The following ROR1 variants were observed in gnomAD, a reference collection of about 807,000 sequenced individuals.
The protein encoded by ROR1 is inactive tyrosine-protein kinase transmembrane receptor ROR1.
ROR1 carries 19 observed loss-of-function variants against 78.8 expected under a neutral mutation model. That is an observed-to-expected ratio of 0.24 (90% CI 0.17 to 0.35). The LOEUF (loss-of-function observed/expected upper bound fraction) is 0.35. Among genes scored for constraint, ROR1 ranks in the 10% least tolerant of loss-of-function variants. The pLI is 1.00. For missense variants in ROR1, 917 were observed against 1,177.8 expected (o/e 0.78, Z 3.24); for synonymous variants, 386 against 433.6 (o/e 0.89, Z 1.36).
chr1:63,872,984 A>G (rs1344324212), intron 1 of ROR1, among the ~76,000 whole-genome samples: 1 of 152,160 alleles, frequency 6.6e-6, no homozygotes, highest in Admixed American at 6.6e-5. Context: ...GGGTATTTAC[A>G]TTCCCAGGAT....
intron 2 of ROR1, among the ~76,000 whole-genome samples, chr1:64,028,132 TA>T (rs1278333173): frequency 1.3e-5 from 2 of 152,152 alleles, no homozygotes; most frequent in Non-Finnish European, 2.9e-5. Context: ...TTAGATTTTT[TA>T]AAAAAATTCT....
chr1:63,873,091 C>G (rs544330019), intron 1 of ROR1, among the ~76,000 whole-genome samples: 2 of 152,126 alleles, frequency 1.3e-5, no homozygotes, highest in South Asian at 2.1e-4. Flanking sequence ...CTCTCCTCCC[C>G]CCAAATCGAG....
intron 1 of ROR1, among the ~76,000 whole-genome samples, chr1:63,775,894 G>C (rs539677998): frequency 5.2e-4 from 79 of 152,284 alleles, no homozygotes; most frequent in African/African-American, 1.8e-3. Flanking sequence ...GCATCAGCAG[G>C]GAGTGCACCT....
intron 4 of ROR1, among the ~76,000 whole-genome samples, chr1:64,077,976 C>G (rs768664791): frequency 6.6e-6 from 1 of 152,154 alleles, no homozygotes; most frequent in Non-Finnish European, 1.5e-5. Context: ...TGTCCCTGCC[C>G]TTAACTCTCT....
At chr1:63,986,106 C>G (rs144993857) in intron 1 of ROR1, among the ~76,000 whole-genome samples, 1 of 152,162 alleles carries the variant, frequency 6.6e-6, no homozygotes, top group African/African-American at 2.4e-5. Context: ...TAGAAATATG[C>G]AGATAAACTT....
chr1:64,120,555 A>G (rs1648493083), intron 4 of ROR1, among the ~76,000 whole-genome samples: 1 of 151,766 alleles, frequency 6.6e-6, no homozygotes, highest in Admixed American at 6.6e-5. Flanking sequence ...TGTATTTTAC[A>G]CTTACCACAC....
intron 1 of ROR1, among the ~76,000 whole-genome samples, chr1:63,884,215 C>T (rs1470320600): frequency 6.6e-6 from 1 of 152,172 alleles, no homozygotes; most frequent in Non-Finnish European, 1.5e-5. Flanking sequence ...GTGATTCCCA[C>T]GTGGAGGGTG....
intron 1 of ROR1, among the ~76,000 whole-genome samples, chr1:63,846,959 C>T (rs534363514): frequency 6.6e-6 from 1 of 152,310 alleles, no homozygotes; most frequent in East Asian, 1.9e-4. Flanking sequence ...TGGCTGGTTA[C>T]AAGAGCTCAC....
intron 2 of ROR1, among the ~76,000 whole-genome samples, chr1:64,046,417 A>G (rs897088491): frequency 3.3e-5 from 5 of 152,224 alleles, no homozygotes; most frequent in African/African-American, 1.2e-4. Flanking sequence ...GTAAACACAA[A>G]GATCTATTTA....
chr1:63,860,361 TAAC>T (rs1645172159), intron 1 of ROR1, among the ~76,000 whole-genome samples: 1 of 151,836 alleles, frequency 6.6e-6, no homozygotes, highest in African/African-American at 2.4e-5. Flanking sequence ...AAATATAAAA[TAAC>T]AACCAGAGAG....
At chr1:63,919,475 T>G (rs1645636264) in intron 1 of ROR1, among the ~76,000 whole-genome samples, 1 of 146,358 alleles carries the variant, frequency 6.8e-6, no homozygotes, top group African/African-American at 2.5e-5. Flanking sequence ...ATGAGCAGTG[T>G]TCATTGAATT....
At chr1:63,979,172 T>C (rs1350528553) in intron 1 of ROR1, among the ~76,000 whole-genome samples, 1 of 152,118 alleles carries the variant, frequency 6.6e-6, no homozygotes, top group Non-Finnish European at 1.5e-5. Context: ...TGACCACATA[T>C]CTGGGCCCAG....
chr1:64,145,569 C>G (rs1275289725), intron 7 of ROR1, among the ~76,000 whole-genome samples: 2 of 152,160 alleles, frequency 1.3e-5, no homozygotes, highest in South Asian at 2.1e-4. Flanking sequence ...ACAAAGTAAC[C>G]TCTTGCAGAG....
At chr1:63,791,605 C>T (rs1476193252) in intron 1 of ROR1, among the ~76,000 whole-genome samples, 1 of 152,048 alleles carries the variant, frequency 6.6e-6, no homozygotes. Context: ...GAGGCTGAGA[C>T]CCCCATGCCT....
chr1:64,005,390 G>A (rs1426349016), intron 1 of ROR1, among the ~76,000 whole-genome samples: 1 of 152,240 alleles, frequency 6.6e-6, no homozygotes, highest in Non-Finnish European at 1.5e-5. Context: ...AGATAGTAGT[G>A]TTAAAATCTG....
At chr1:63,977,030 C>A (rs759237096) in intron 1 of ROR1, among the ~76,000 whole-genome samples, 1 of 152,152 alleles carries the variant, frequency 6.6e-6, no homozygotes, top group East Asian at 1.9e-4. Flanking sequence ...ACATGTTCTT[C>A]TTCACATAAT....
chr1:63,872,287 C>G (rs1217532541), intron 1 of ROR1, among the ~76,000 whole-genome samples: 1 of 152,120 alleles, frequency 6.6e-6, no homozygotes, highest in Non-Finnish European at 1.5e-5. Flanking sequence ...TGGGAATTCT[C>G]CACTGTGAGA....
At chr1:64,034,533 C>A (rs75050393) in intron 2 of ROR1, among the ~76,000 whole-genome samples, 1,527 of 152,240 alleles carry the variant, frequency 0.01, 18 homozygotes, top group African/African-American at 0.035. Flanking sequence ...AGTCCCCCCT[C>A]TTTCTCTCTC....
chr1:63,853,667 T>TCTGTAAATTG (rs1645130568), intron 1 of ROR1, among the ~76,000 whole-genome samples: 1 of 152,212 alleles, frequency 6.6e-6, no homozygotes, highest in South Asian at 2.1e-4. Context: ...AGCAAAATAG[T>TCTGTAAATTG]CTGTAAATTG....
Sources: gnomAD v4.1 joint callset for allele counts (sites outside exome capture counted in the v4.1 genomes callset) on GRCh38, gnomAD v4.1.1 for gene constraint, MANE v1.5 for transcripts, NCBI Gene and HGNC (gene_info 2026-07-23, HGNC 2026-07-21) for gene names.